The following L3MBTL4 variants were observed in gnomAD, a reference collection of about 807,000 sequenced individuals.
The protein encoded by L3MBTL4 is L3MBTL histone methyl-lysine binding protein 4.
L3MBTL4 carries 70 observed loss-of-function variants against 84.5 expected under a neutral mutation model. That is an observed-to-expected ratio of 0.83 (90% CI 0.68 to 1.01). The LOEUF (loss-of-function observed/expected upper bound fraction) is 1.01. Ranked by LOEUF, L3MBTL4 falls within the 50% of genes least tolerant of loss-of-function variation. The pLI is 0.00. For missense variants in L3MBTL4, 715 were observed against 754.8 expected (o/e 0.95, Z 0.62); for synonymous variants, 274 against 259.8 (o/e 1.05, Z -0.52).
Position 6,073,700 on chromosome 18 carries a change from T to C in L3MBTL4, c.1444+7181A>G, listed in dbSNP as rs571265170. ...CGATGCAAGCTGAAGCCATGCAAAC[T>C]GAGCTTAATAATCAATGGGGAAAAT... On this transcript the variant is annotated intron_variant, in intron 16 of 18. Coordinates refer to ENST00000317931, the MANE Select transcript of L3MBTL4 (RefSeq NM_001330559.2). Among the ~76,000 whole-genome samples the C allele has an allele frequency of 5.9e-5, 9 of 152,336 alleles. No individual in the cohort carries two copies. In the South Asian group the frequency reaches 8.3e-4, roughly 14 times the overall value.
intron 13 of L3MBTL4, among the ~76,000 whole-genome samples, chr18:6,141,817 A>T (rs2060203695): frequency 6.6e-6 from 1 of 152,176 alleles, no homozygotes; most frequent in Non-Finnish European, 1.5e-5. Context: ...CAAATCACAG[A>T]TACAATCATA....
chr18:5,998,450 C>T (rs2054074532), intron 16 of L3MBTL4, among the ~76,000 whole-genome samples: 1 of 152,154 alleles, frequency 6.6e-6, no homozygotes, highest in Non-Finnish European at 1.5e-5. Flanking sequence ...AACCTATTTT[C>T]CTGGAGGGGC....
chr18:6,121,722 G>A (rs1954835), intron 14 of L3MBTL4, among the ~76,000 whole-genome samples: 7,288 of 143,518 alleles, frequency 0.051, 452 homozygotes, highest in African/African-American at 0.15. Flanking sequence ...GTGTGTGTAT[G>A]TGTGTGTGCA....
intron 10 of L3MBTL4, among the ~76,000 whole-genome samples, chr18:6,236,205 G>C (rs1448318180): frequency 6.6e-6 from 1 of 152,146 alleles, no homozygotes; most frequent in East Asian, 1.9e-4. Context: ...CAAAGCTACA[G>C]TAATCAAAGC....
chr18:6,360,483 A>G (rs2053638019), intron 1 of L3MBTL4, among the ~76,000 whole-genome samples: 1 of 152,246 alleles, frequency 6.6e-6, no homozygotes, highest in African/African-American at 2.4e-5. Context: ...CAAACATCCA[A>G]AAACTTTACA....
chr18:6,325,179 C>G (rs577829487), intron 1 of L3MBTL4, among the ~76,000 whole-genome samples: 44 of 152,138 alleles, frequency 2.9e-4, no homozygotes, highest in Non-Finnish European at 4.7e-4. Context: ...GAGATAAGTT[C>G]ATGTTAATGG....
At chr18:6,055,238 G>T (rs2056980793) in intron 16 of L3MBTL4, among the ~76,000 whole-genome samples, 2 of 152,110 alleles carry the variant, frequency 1.3e-5, no homozygotes, top group African/African-American at 4.8e-5. Flanking sequence ...GCACAATGAA[G>T]CCCCCCAAAG....
At chr18:6,143,313 T>A (rs73381926) in intron 13 of L3MBTL4, among the ~76,000 whole-genome samples, 1 of 152,200 alleles carries the variant, frequency 6.6e-6, no homozygotes, top group South Asian at 2.1e-4. Flanking sequence ...ACCTCAACTA[T>A]GGGAGAAGAG....
intron 1 of L3MBTL4, among the ~76,000 whole-genome samples, chr18:6,348,465 A>C (rs2053024797): frequency 6.6e-6 from 1 of 152,178 alleles, no homozygotes; most frequent in East Asian, 1.9e-4. Flanking sequence ...ATAATTTTAA[A>C]TAAGGAAATA....
intron 1 of L3MBTL4, among the ~76,000 whole-genome samples, chr18:6,410,760 T>C (rs2055933315): frequency 6.6e-6 from 1 of 152,148 alleles, no homozygotes; most frequent in African/African-American, 2.4e-5. Context: ...AATTATTAAT[T>C]GTGGCAGCGA....
intron 1 of L3MBTL4, among the ~76,000 whole-genome samples, chr18:6,330,432 ACCCCTTCCT>A (rs974859669): frequency 7.9e-5 from 12 of 152,114 alleles, no homozygotes; most frequent in Non-Finnish European, 1.6e-4. Context: ...TTGGCTCGTG[ACCCCTTCCT>A]CCATCTTCAA....
At chr18:6,310,839 T>C (rs2050793224) in intron 3 of L3MBTL4, among the ~76,000 whole-genome samples, 1 of 152,212 alleles carries the variant, frequency 6.6e-6, no homozygotes, top group Admixed American at 6.5e-5. Context: ...TAGATGTTGC[T>C]GTGAAGGTAT....
chr18:5,996,460 G>A (rs1432412724), intron 16 of L3MBTL4, among the ~76,000 whole-genome samples: 1 of 152,194 alleles, frequency 6.6e-6, no homozygotes, highest in Non-Finnish European at 1.5e-5. Context: ...AACAAGAGAA[G>A]GGTTAAAAGG....
chr18:5,981,897 T>A (rs2053238101), intron 16 of L3MBTL4, among the ~76,000 whole-genome samples: 1 of 151,774 alleles, frequency 6.6e-6, no homozygotes, highest in African/African-American at 2.4e-5. Flanking sequence ...AATAAATATC[T>A]CCCGATGCAA....
At chr18:6,016,459 C>A (rs1333063066) in intron 16 of L3MBTL4, among the ~76,000 whole-genome samples, 1 of 152,186 alleles carries the variant, frequency 6.6e-6, no homozygotes, top group Non-Finnish European at 1.5e-5. Context: ...TCCACAGGGA[C>A]TAGCTCAGTA....
At chr18:6,361,941 C>T (rs546674842) in intron 1 of L3MBTL4, among the ~76,000 whole-genome samples, 1 of 151,732 alleles carries the variant, frequency 6.6e-6, no homozygotes, top group African/African-American at 2.4e-5. Flanking sequence ...CATAGTGAGA[C>T]CCCCATCCCT....
At chr18:6,127,139 G>A (rs1019129012) in intron 14 of L3MBTL4, among the ~76,000 whole-genome samples, 48 of 152,110 alleles carry the variant, frequency 3.2e-4, no homozygotes, top group African/African-American at 1.1e-3. Flanking sequence ...CAAAATTTAC[G>A]GAGCCAAACT....
At chr18:6,006,463 G>A (rs576521497) in intron 16 of L3MBTL4, among the ~76,000 whole-genome samples, 1 of 152,248 alleles carries the variant, frequency 6.6e-6, no homozygotes, top group Admixed American at 6.5e-5. Flanking sequence ...CATCCGTTAA[G>A]GCAATATTAT....
At chr18:6,298,801 G>C (rs1285657339) in intron 4 of L3MBTL4, among the ~76,000 whole-genome samples, 1 of 152,048 alleles carries the variant, frequency 6.6e-6, no homozygotes, top group Non-Finnish European at 1.5e-5. Context: ...TTGAACCCGG[G>C]AGGCGGAGGT....
Sources: allele counts gnomAD v4.1 joint callset (sites outside exome capture counted in the v4.1 genomes callset), GRCh38; gene constraint gnomAD v4.1.1; transcripts MANE v1.5; gene names NCBI Gene and HGNC (gene_info 2026-07-23, HGNC 2026-07-21).